QSER1: variants seen among roughly 807,000 people sequenced by gnomAD.
QSER1 encodes glutamine and serine-rich protein 1.
In QSER1, 49 loss-of-function variants were observed where a neutral mutation model predicts 158.5. The ratio of observed to expected loss-of-function variants is 0.31; its 90% CI spans 0.25 to 0.39. The LOEUF is 0.39. Ranked by LOEUF, QSER1 falls within the 10% of genes least tolerant of loss-of-function variation. The pLI, the probability that QSER1 is intolerant of heterozygous loss-of-function variation, is 1.00. For missense variants in QSER1, 1,754 were observed against 2,010.3 expected (o/e 0.87, Z 2.44); for synonymous variants, 650 against 715.5 (o/e 0.91, Z 1.46).
chr11:32,907,103 T>G (rs1388754785), intron 1 of QSER1, among the ~76,000 whole-genome samples: 6 of 152,208 alleles, frequency 3.9e-5, no homozygotes, highest in Non-Finnish European at 8.8e-5. Flanking sequence ...ACTACTGGTT[T>G]TATTATAAGT....
At chr11:32,894,193 T>G (rs1293831200) in intron 1 of QSER1, among the ~76,000 whole-genome samples, 1 of 152,170 alleles carries the variant, frequency 6.6e-6, no homozygotes, top group Non-Finnish European at 1.5e-5. Context: ...GAGTTCATCT[T>G]GCATGACCAA....
chr11:32,933,106 T>G lies in QSER1; in HGVS notation c.1848T>G (p.Ser616=), dbSNP rs201152451. 5.2e-4 allele frequency: 841 copies of G among 1,613,810 alleles called. 1 individual carries two copies. The highest frequency in any genetic ancestry group is 6.6e-4 in the Non-Finnish European group (774 of 1,179,950). Residue 616 remains serine, a synonymous_variant, in exon 4 of 13, where the codon TCT becomes TCG. Coordinates refer to ENST00000650167, the MANE Select transcript of QSER1 (RefSeq NM_001076786.3). ...SASRAQNLPD[S]SPTQNYISMH... ...CTCGGGCTCAGAATTTGCCAGACTC[T>G]AGCCCGACCCAGAATTATATTTCTA...
At chr11:32,906,695 G>A (rs1225179037) in intron 1 of QSER1, among the ~76,000 whole-genome samples, 1 of 152,146 alleles carries the variant, frequency 6.6e-6, no homozygotes, top group Non-Finnish European at 1.5e-5. Context: ...TTATCAACAT[G>A]AGCCACTGCG....
intron 1 of QSER1, among the ~76,000 whole-genome samples, chr11:32,903,745 G>A (rs749024643): frequency 3.3e-5 from 5 of 151,972 alleles, no homozygotes; most frequent in Non-Finnish European, 5.9e-5. Context: ...CCAAGTAGCC[G>A]AGATTACAGA....
rs1554922099 is a variant in QSER1 at position 32,892,843 on chromosome 11, G to GGCCGCGGCCGCC, written c.-278_-277insGGCCGCCGCCGC. Among the ~76,000 whole-genome samples, 3 of 144,782 alleles carry GGCCGCGGCCGCC rather than the reference G, an allele frequency of 2.1e-5. No homozygotes were observed. The highest frequency in any genetic ancestry group is 7.6e-5 in the African/African-American group (3 of 39,606). The allele number at this position is 144,782 out of a possible 152,430, so 95.0% of individuals were successfully genotyped here. A position where few individuals can be genotyped will look rare whatever the true frequency, so the allele number is the denominator to read the frequency against. ...GAAATCCACCAACATGGGGCGCAGC[G>GGCCGCGGCCGCC]GCCGCCGCCGCCGCCGCCGTCGCCG... On this transcript the variant is annotated 5_prime_UTR_variant, in exon 1 of 13. Coordinates refer to ENST00000650167, the MANE Select transcript of QSER1 (RefSeq NM_001076786.3).
At chr11:32,953,592 A>G (rs985874170) in intron 4 of QSER1, among the ~76,000 whole-genome samples, 1 of 152,128 alleles carries the variant, frequency 6.6e-6, no homozygotes, top group Non-Finnish European at 1.5e-5. Context: ...TTTAAAAATA[A>G]TTTTGCTCTA....
At chr11:32,923,433 G>A (rs901633118) in intron 1 of QSER1, among the ~76,000 whole-genome samples, 9 of 152,164 alleles carry the variant, frequency 5.9e-5, no homozygotes, top group African/African-American at 1.7e-4. Flanking sequence ...CAGCACTTTG[G>A]GAGGCCGAAG....
intron 3 of QSER1, 148 bp downstream of exon 3, chr11:32,928,271 G>A: frequency 3.4e-6 from 2 of 593,898 alleles, no homozygotes; most frequent in South Asian, 2.2e-5. Context: ...AAAATTTTCA[G>A]GTGGATAAAA....
At position 32,931,851 on chromosome 11, in the gene QSER1, A is replaced by G. The variant is rs1309919673; in HGVS notation, c.593A>G (p.Asn198Ser). 3.1e-6 allele frequency: 5 copies of G among 1,614,192 alleles called. No homozygotes were observed. The highest frequency in any genetic ancestry group is 2.2e-5 in the East Asian group (1 of 44,884). The change falls in exon 4 of 13, where the codon AAT becomes AGT. Residue 198 changes from asparagine to serine, a missense_variant. Transcript: ENST00000650167. ...TATCAGCATCCCACCACCTTCAGCA[A>G]TAGAAACTTTGCTACCACTTCACCT... ...SAYQHPTTFS[N>S]RNFATTSPLV...
At chr11:32,966,241 A>G (rs1852744721) in intron 8 of QSER1, 59 bp from the exon 9 acceptor site, 1 of 1,563,830 alleles carries the variant, frequency 6.4e-7, no homozygotes, top group East Asian at 2.2e-5. Context: ...TTATAGAGAA[A>G]AGTGTTTTTA....
chr11:32,944,105 A>G (rs1034208361), intron 4 of QSER1, among the ~76,000 whole-genome samples: 7 of 151,778 alleles, frequency 4.6e-5, no homozygotes, highest in African/African-American at 1.2e-4. Flanking sequence ...TTTTTATTGC[A>G]TCTATTTGAT....
At chr11:32,951,190 C>A (rs1281656946) in intron 4 of QSER1, among the ~76,000 whole-genome samples, 1 of 152,182 alleles carries the variant, frequency 6.6e-6, no homozygotes, top group Admixed American at 6.6e-5. Context: ...GGATGGTTAA[C>A]TATTCTTTCT....
At chr11:32,918,628 T>G (rs1357358402) in intron 1 of QSER1, among the ~76,000 whole-genome samples, 1 of 150,706 alleles carries the variant, frequency 6.6e-6, no homozygotes, top group Non-Finnish European at 1.5e-5. Flanking sequence ...GTTGGAAAGT[T>G]TTTCATGATT....
intron 4 of QSER1, among the ~76,000 whole-genome samples, chr11:32,944,581 TTGCACTG>T (rs1852296578): frequency 6.6e-6 from 1 of 151,740 alleles, no homozygotes; most frequent in Non-Finnish European, 1.5e-5. Context: ...TCTAGTTTGA[TTGCACTG>T]TGGTCTGAGA....
intron 1 of QSER1, among the ~76,000 whole-genome samples, chr11:32,912,973 T>C (rs953770693): frequency 1.3e-5 from 2 of 152,096 alleles, no homozygotes; most frequent in African/African-American, 4.8e-5. Flanking sequence ...CCCTTGAAGA[T>C]AAAATGTGAG....
chr11:32,936,304 G>C (rs2133554917), intron 4 of QSER1, among the ~76,000 whole-genome samples: 1 of 151,218 alleles, frequency 6.6e-6, no homozygotes, highest in African/African-American at 2.4e-5. Flanking sequence ...TTTTGTCCTT[G>C]CAATAGTTTG....
In QSER1 at chr11:32,976,608, C is replaced by A; in HGVS notation, c.*134C>A. 1.1e-6 allele frequency: 1 copy of A among 947,666 alleles called. No individual in the cohort carries two copies. Among genetic ancestry groups the A allele is most frequent in the Non-Finnish European group, 1.6e-6 (1 of 619,122 alleles). The allele number at this position is 947,666 out of a possible 1,614,324, so 58.7% of individuals were successfully genotyped here. A position where few individuals can be genotyped will look rare whatever the true frequency, so the allele number is the denominator to read the frequency against. ...CATCATGGAACTGTCATTACCACCT[C>A]TGCTGAAGGACAGTGGTGCGGCCTT... On this transcript the variant is annotated 3_prime_UTR_variant, in exon 13 of 13. Coordinates refer to ENST00000650167, the MANE Select transcript of QSER1 (RefSeq NM_001076786.3).
intron 4 of QSER1, among the ~76,000 whole-genome samples, chr11:32,945,748 G>T (rs1246033863): frequency 5.3e-5 from 8 of 150,830 alleles, no homozygotes; most frequent in Admixed American, 5.3e-4. Flanking sequence ...TATCTTTGTG[G>T]CGTTCTCTGT....
intron 1 of QSER1, among the ~76,000 whole-genome samples, chr11:32,905,880 T>C (rs1243567109): frequency 2.0e-5 from 3 of 152,164 alleles, no homozygotes; most frequent in Non-Finnish European, 4.4e-5. Context: ...TTAACAGATA[T>C]GCTTATTAGG....
Sources: allele counts gnomAD v4.1 joint callset (sites outside exome capture counted in the v4.1 genomes callset), GRCh38; gene constraint gnomAD v4.1.1; transcripts MANE v1.5; gene names NCBI Gene and HGNC (gene_info 2026-07-23, HGNC 2026-07-21).